ZBBX: variants seen among roughly 807,000 people sequenced by gnomAD.
ZBBX encodes zinc finger B-box domain-containing protein 1.
A neutral mutation model predicts 108.5 loss-of-function variants in ZBBX; 101 were observed. That is an observed-to-expected ratio of 0.93 (90% CI 0.79 to 1.10). The LOEUF is 1.10. Among genes scored for constraint, ZBBX ranks in the 50% least tolerant of loss-of-function variants. The pLI is 0.00. For synonymous variants in ZBBX, 356 were observed against 323.4 expected (o/e 1.10, Z -1.08); for missense variants, 1,009 against 941.4 (o/e 1.07, Z -0.94).
intron 16 of ZBBX, among the ~76,000 whole-genome samples, chr3:167,308,463 T>C (rs2108247647): frequency 6.6e-6 from 1 of 152,260 alleles, no homozygotes; most frequent in East Asian, 1.9e-4. Flanking sequence ...ACTGGGTATA[T>C]ACCCAAAGGA....
At position 167,298,365 on chromosome 3, in the gene ZBBX, T is replaced by G. The variant is rs1179219474; in HGVS notation, c.1819A>C (p.Asn607His). 3 of 1,601,852 alleles carry G rather than the reference T, an allele frequency of 1.9e-6. No homozygotes were observed. The highest frequency in any genetic ancestry group is 1.3e-5 in the African/African-American group (1 of 74,654). Residue 607 changes from asparagine to histidine, a missense_variant, in exon 18 of 22, where the codon AAC becomes CAC. By Grantham distance (68) the Asn-to-His change is moderately conservative. Coordinates refer to ENST00000675490, the MANE Select transcript of ZBBX (RefSeq NM_001199201.2). ...FFIFDTNERL[N>H]LLPSHRLECN... ...TCTAAACGATGAGAAGGAAGTAAGT[T>G]GAGTCTTTCATTTGTATCAAAAATA...
At chr3:167,272,181 T>C (rs545357043) in intron 20 of ZBBX, among the ~76,000 whole-genome samples, 1 of 152,328 alleles carries the variant, frequency 6.6e-6, no homozygotes, top group Non-Finnish European at 1.5e-5. Context: ...CTCAGAAGGA[T>C]ATAGGCCTTT....
chr3:167,378,093 C>T (rs1440779871), intron 2 of ZBBX, among the ~76,000 whole-genome samples: 1 of 152,158 alleles, frequency 6.6e-6, no homozygotes, highest in Non-Finnish European at 1.5e-5. Context: ...TTTCCTGAGG[C>T]CTCCCCAGCC....
chr3:167,354,254 G>A lies in ZBBX; in HGVS notation c.433-3739C>T, dbSNP rs893429031. ...CTAGCCTGGGAAAATATCAGAATTC[G>A]AACTTTGAAGTATGGTTTCTACTGA... On this transcript the variant is annotated intron_variant, in intron 8 of 21. Transcript: ENST00000675490. Among the ~76,000 whole-genome samples the A allele has an allele frequency of 5.3e-5, 8 of 151,544 alleles. 1 individual carries two copies. The highest frequency in any genetic ancestry group is 4.1e-4 in the South Asian group (2 of 4,820).
At chr3:167,186,882 G>A in the ZBBX span, among the ~76,000 whole-genome samples, 1 of 152,012 alleles carries the variant, frequency 6.6e-6, no homozygotes, top group Admixed American at 6.6e-5. Flanking sequence ...TTTTGTTGCA[G>A]GTATTAAAAT....
chr3:167,292,216 C>A (rs1484823497), intron 18 of ZBBX, among the ~76,000 whole-genome samples: 1 of 152,196 alleles, frequency 6.6e-6, no homozygotes, highest in Non-Finnish European at 1.5e-5. Context: ...TAATAGACAT[C>A]TACAGAACTC....
At chr3:167,242,258 C>A (rs1482386801) in intron 21 of ZBBX, among the ~76,000 whole-genome samples, 1 of 152,016 alleles carries the variant, frequency 6.6e-6, no homozygotes, top group Middle Eastern at 3.2e-3. Flanking sequence ...TTCCAAATAT[C>A]TTTTCATTTT....
At chr3:167,323,700 A>C (rs1736872054) in intron 11 of ZBBX, among the ~76,000 whole-genome samples, 1 of 152,126 alleles carries the variant, frequency 6.6e-6, no homozygotes. Flanking sequence ...CCATCCTCAA[A>C]TTGATGGGAT....
At chr3:167,267,809 A>G (rs1266416327) in intron 20 of ZBBX, among the ~76,000 whole-genome samples, 2 of 152,164 alleles carry the variant, frequency 1.3e-5, no homozygotes, top group African/African-American at 2.4e-5. Flanking sequence ...TGAAGACTCA[A>G]AAAACCTGGT....
chr3:167,204,223 T>C, the ZBBX span, among the ~76,000 whole-genome samples: 1 of 141,514 alleles, frequency 7.1e-6, no homozygotes, highest in Non-Finnish European at 1.5e-5. Flanking sequence ...AATTTTTTCA[T>C]TTTAAATTTC....
At chr3:167,316,540 CAAGTTATT>C (rs1735493309) in intron 14 of ZBBX, among the ~76,000 whole-genome samples, 1 of 134,566 alleles carries the variant, frequency 7.4e-6, no homozygotes, top group Non-Finnish European at 1.7e-5. Flanking sequence ...AAGTTATGTT[CAAGTTATT>C]TGACTGAACT....
chr3:167,325,416 G>A (rs1316382159), intron 11 of ZBBX, among the ~76,000 whole-genome samples: 3 of 152,022 alleles, frequency 2.0e-5, no homozygotes, highest in African/African-American at 7.2e-5. Flanking sequence ...CTTGTGAGAC[G>A]TATTCACTAT....
chr3:167,292,435 C>CATTATTGT (rs1730864559), intron 18 of ZBBX, among the ~76,000 whole-genome samples: 1 of 152,158 alleles, frequency 6.6e-6, no homozygotes, highest in Non-Finnish European at 1.5e-5. Flanking sequence ...ACTGAACAAC[C>CATTATTGT]TGCTCCTGAA....
the ZBBX span, among the ~76,000 whole-genome samples, chr3:167,212,771 G>A: frequency 6.6e-6 from 1 of 152,106 alleles, no homozygotes; most frequent in African/African-American, 2.4e-5. Flanking sequence ...GCACTCAAAG[G>A]GAAGAGGAAC....
intron 6 of ZBBX, 83 bp downstream of exon 6, chr3:167,365,803 G>A (rs965144782): frequency 1.3e-5 from 11 of 856,314 alleles, no homozygotes; most frequent in South Asian, 1.2e-4. Context: ...GTATATTCCT[G>A]AGTATAGAAG....
intron 10 of ZBBX, among the ~76,000 whole-genome samples, chr3:167,329,913 C>G (rs1205012218): frequency 1.9e-4 from 29 of 152,158 alleles, no homozygotes; most frequent in Admixed American, 1.9e-3. Flanking sequence ...TAAAATGTTA[C>G]AGACATTTGC....
chr3:167,231,577 C>A, the ZBBX span, among the ~76,000 whole-genome samples: 7 of 151,792 alleles, frequency 4.6e-5, no homozygotes, highest in Non-Finnish European at 7.4e-5. Context: ...TGTGTATAGA[C>A]TTTCTTTTGA....
the ZBBX span, among the ~76,000 whole-genome samples, chr3:167,208,355 C>T: frequency 1.1e-4 from 17 of 152,298 alleles, no homozygotes; most frequent in East Asian, 1.2e-3. Flanking sequence ...TGCTTGTGCT[C>T]CTTCTCCTCC....
At chr3:167,346,923 T>C (rs999992805) in intron 9 of ZBBX, among the ~76,000 whole-genome samples, 9 of 151,788 alleles carry the variant, frequency 5.9e-5, no homozygotes, top group African/African-American at 1.9e-4. Context: ...TACAAGACAA[T>C]TGATTAAAAT....
Sources: gnomAD v4.1 joint callset for allele counts (sites outside exome capture counted in the v4.1 genomes callset) on GRCh38, gnomAD v4.1.1 for gene constraint, MANE v1.5 for transcripts, NCBI Gene and HGNC (gene_info 2026-07-23, HGNC 2026-07-21) for gene names.